ALDH18A1: variants seen among roughly 807,000 people sequenced by gnomAD.
ALDH18A1 encodes the protein aldehyde dehydrogenase 18 family member A1.
A neutral mutation model predicts 88.8 loss-of-function variants in ALDH18A1; 44 were observed. That is an observed-to-expected ratio of 0.50 (90% confidence interval 0.39 to 0.64). The LOEUF (loss-of-function observed/expected upper bound fraction) is 0.64, where lower values mean the gene tolerates loss of function less well. Ranked by LOEUF, ALDH18A1 falls within the 30% of genes least tolerant of loss-of-function variation. The probability of loss-of-function intolerance (pLI) is 0.00; values close to 1 mark genes in which losing one functional copy is unlikely to be tolerated. For missense variants in ALDH18A1, 782 were observed against 1,009.5 expected (o/e 0.77, Z 3.05); for synonymous variants, 331 against 372.1 (o/e 0.89, Z 1.27).
At position 95,621,313 on chromosome 10, in the gene ALDH18A1, G is replaced by A. The variant is rs909426047; in HGVS notation, c.1247-62C>T. 6.9e-5 allele frequency: 86 copies of A among 1,253,024 alleles called. No homozygotes were observed. The Middle Eastern group carries it at 7.9e-4, about 12-fold the overall frequency. 77.6% of individuals were successfully genotyped at this position (1,253,024 alleles called of 1,614,324 possible). A position where few individuals can be genotyped will look rare whatever the true frequency, so the allele number is the denominator to read the frequency against. ...ACCTGGCAGGCTACAGCTACCAACC[G>A]ATGTGTCTTTTTTTTTTTTTTTTTG... On this transcript the variant is annotated intron_variant, in intron 11 of 17. Transcript: ENST00000371224.
rs190436565 is a variant in ALDH18A1, at chr10:95,630,522, C to T, written c.809-2030G>A. On this transcript the variant is annotated intron_variant, in intron 7 of 17. Coordinates refer to ENST00000371224, the MANE Select transcript of ALDH18A1 (RefSeq NM_002860.4). ...GGTGAGGAGTTCAAGACCAGCCTGG[C>T]CAACATGGTGAAACCCCTTCTCTAC... Among the ~76,000 whole-genome samples, 7 of 152,266 alleles carry T rather than the reference C, an allele frequency of 4.6e-5. No individual in the cohort carries two copies. In the East Asian group the frequency reaches 1.4e-3, roughly 29 times the overall value.
At chr10:95,607,639 C>G (rs1427889476) in intron 17 of ALDH18A1, among the ~76,000 whole-genome samples, 1 of 152,130 alleles carries the variant, frequency 6.6e-6, no homozygotes, top group Non-Finnish European at 1.5e-5. Context: ...TTTTGTGGCG[C>G]TGATATTATA....
At chr10:95,622,306 T>A (rs549129318) in intron 11 of ALDH18A1, among the ~76,000 whole-genome samples, 1 of 152,146 alleles carries the variant, frequency 6.6e-6, no homozygotes, top group Non-Finnish European at 1.5e-5. Context: ...CAAGTGATCC[T>A]CCTGCTTCAG....
chr10:95,609,399 G>A (rs2097828896), intron 17 of ALDH18A1, among the ~76,000 whole-genome samples: 1 of 152,188 alleles, frequency 6.6e-6, no homozygotes, highest in South Asian at 2.1e-4. Flanking sequence ...CTACCATTGT[G>A]GGGTTTCCTA....
At chr10:95,626,879 C>T (rs2139589254) in intron 9 of ALDH18A1, 103 bp from the exon 10 acceptor site, 1 of 1,171,228 alleles carries the variant, frequency 8.5e-7, no homozygotes, top group East Asian at 2.4e-5. Context: ...CTCATCACGC[C>T]CACAGAAGGA....
chr10:95,616,573 G>A lies in ALDH18A1; in HGVS notation c.1509C>T (p.Leu503=). The A allele has an allele frequency of 2.5e-6, 4 of 1,605,366 alleles. No homozygotes were observed. The highest frequency in any genetic ancestry group is 2.6e-6 in the Non-Finnish European group (3 of 1,176,122). The change falls in exon 13 of 18, where the codon CTC becomes CTT. Residue 503 remains leucine, a synonymous_variant. Transcript: ENST00000371224. The part of the protein sequence containing the change: ...LAIASGNGLL[L]KGGKEAAHSN... The stretch of plus-strand genomic sequence containing the variant: ...TGTGTGCAGCCTCCTTCCCTCCTTT[G>A]AGTAACAAGCCATTGCCACTTGCGA...
chr10:95,620,636 C>T (rs2097850637), intron 12 of ALDH18A1, among the ~76,000 whole-genome samples: 1 of 152,162 alleles, frequency 6.6e-6, no homozygotes, highest in Non-Finnish European at 1.5e-5. Flanking sequence ...TTTGCAGGGA[C>T]ATGGATGAAG....
At chr10:95,618,281 A>G (rs17111041) in intron 12 of ALDH18A1, among the ~76,000 whole-genome samples, 3,938 of 152,172 alleles carry the variant, frequency 0.026, 227 homozygotes, top group South Asian at 0.19. Context: ...ATGCTTTCTC[A>G]ACCAGAGGCT....
At chr10:95,637,465 T>G in intron 3 of ALDH18A1, 29 bp from the exon 4 acceptor site, 1 of 1,613,098 alleles carries the variant, frequency 6.2e-7, no homozygotes, top group Middle Eastern at 1.7e-4. Flanking sequence ...AAGGGGACTG[T>G]AAGTTACCGT....
At chr10:95,610,088 A>G (rs1248187924) in intron 17 of ALDH18A1, 109 bp downstream of exon 17, 3 of 1,096,032 alleles carry the variant, frequency 2.7e-6, no homozygotes, top group African/African-American at 3.1e-5. Flanking sequence ...TCTTATCTTG[A>G]CCAAGCATGT....
At chr10:95,638,181 T>C (rs1433650112) in intron 3 of ALDH18A1, among the ~76,000 whole-genome samples, 1 of 152,000 alleles carries the variant, frequency 6.6e-6, no homozygotes, top group Non-Finnish European at 1.5e-5. Flanking sequence ...GCCCAGCTAA[T>C]TTTTCTTTTT....
In ALDH18A1 at chr10:95,626,619, T is replaced by C. The variant is rs147367157; in HGVS notation, c.1152+84A>G. ...CTCTGTGGCTCACTAGGAATAAAGA[T>C]GGAGTCAGCAGGTTTGACTCCTGTA... On this transcript the variant is annotated intron_variant, in intron 10 of 17. Coordinates refer to ENST00000371224, the MANE Select transcript of ALDH18A1 (RefSeq NM_002860.4). 836 of 1,271,116 alleles carry C rather than the reference T, an allele frequency of 6.6e-4. 4 individuals are homozygous for C. In the African/African-American group the frequency reaches 0.011, roughly 16 times the overall value. The allele number at this position is 1,271,116 out of a possible 1,614,324, so 78.7% of individuals were successfully genotyped here.
intron 7 of ALDH18A1, among the ~76,000 whole-genome samples, chr10:95,630,281 C>A (rs1441203263): frequency 6.6e-6 from 1 of 152,010 alleles, no homozygotes; most frequent in Non-Finnish European, 1.5e-5. Context: ...CCAGCTTGAA[C>A]CTAATTTTTA....
chr10:95,618,396 C>G (rs2097847293), intron 12 of ALDH18A1, among the ~76,000 whole-genome samples: 1 of 152,216 alleles, frequency 6.6e-6, no homozygotes, highest in Non-Finnish European at 1.5e-5. Context: ...TCTCGACTCA[C>G]TGCAACCTCT....
At chr10:95,642,941 C>A (rs369249543) in intron 3 of ALDH18A1, 51 bp downstream of exon 3, 1 of 1,572,962 alleles carries the variant, frequency 6.4e-7, no homozygotes, top group South Asian at 1.1e-5. Flanking sequence ...TCTGAACTAG[C>A]GACTTAAAAA....
intron 2 of ALDH18A1, among the ~76,000 whole-genome samples, chr10:95,647,801 C>G (rs918879645): frequency 4.6e-5 from 7 of 152,230 alleles, no homozygotes; most frequent in Non-Finnish European, 8.8e-5. Context: ...GCCCATGCTT[C>G]AATCATGCCT....
rs765659457 is a variant in ALDH18A1, at chr10:95,616,610, G to A, written c.1472C>T (p.Ala491Val). The A allele has an allele frequency of 6.2e-7, 1 of 1,605,946 alleles. No individual in the cohort carries two copies. Among genetic ancestry groups the A allele is most frequent in the Non-Finnish European group, 8.5e-7 (1 of 1,176,280 alleles). The change falls in exon 13 of 18, where the codon GCA becomes GTA. Residue 491 changes from alanine to valine, a missense_variant. Coordinates refer to ENST00000371224, the MANE Select transcript of ALDH18A1 (RefSeq NM_002860.4). ...ESRPDCLPQV[A>V]ALAIASGNGL... Reference sequence around the variant, plus strand: ...ATTGCCACTTGCGATAGCCAAAGCTGCCACCTGCAGATCAAAGGGAGAGCA... The same window carrying A: ...ATTGCCACTTGCGATAGCCAAAGCTACCACCTGCAGATCAAAGGGAGAGCA...
At chr10:95,640,859 T>C (rs1450576634) in intron 3 of ALDH18A1, among the ~76,000 whole-genome samples, 1 of 152,292 alleles carries the variant, frequency 6.6e-6, no homozygotes, top group Middle Eastern at 3.4e-3. Context: ...AAGTTTCTCC[T>C]CCGTTCAAAA....
At chr10:95,626,637 C>A in intron 10 of ALDH18A1, 66 bp downstream of exon 10, 1 of 1,502,884 alleles carries the variant, frequency 6.7e-7, no homozygotes, top group Non-Finnish European at 9.2e-7. Context: ...GCAGGTTTGA[C>A]TCCTGTAACT....
Sources: allele counts gnomAD v4.1 joint callset (sites outside exome capture counted in the v4.1 genomes callset), GRCh38; gene constraint gnomAD v4.1.1; transcripts MANE v1.5; gene names NCBI Gene and HGNC (gene_info 2026-07-23, HGNC 2026-07-21).